Variants in SLCO4A1 observed in about 807,000 individuals in gnomAD.
SLCO4A1 encodes colon organic anion transporter.
Under a neutral mutation model 64.6 loss-of-function variants are expected in SLCO4A1, and 51 were observed. The observed-to-expected ratio is 0.79, with a 90% CI of 0.63 to 1.00. SLCO4A1 has a LOEUF of 1.00. Ranked by LOEUF, SLCO4A1 falls within the 50% of genes least tolerant of loss-of-function variation. SLCO4A1 has a pLI of 0.00. For missense variants in SLCO4A1, 919 were observed against 980.5 expected (o/e 0.94, Z 0.84); for synonymous variants, 471 against 444.9 (o/e 1.06, Z -0.74).
intron 1 of SLCO4A1, among the ~76,000 whole-genome samples, chr20:62,652,513 G>C (rs547457224): frequency 6.6e-6 from 1 of 152,352 alleles, no homozygotes; most frequent in South Asian, 2.1e-4. Context: ...TCGAGTTCTT[G>C]TGTTACACAT....
rs200781291 is a variant in SLCO4A1 at position 62,669,063 on chromosome 20, G to A, written c.2010G>A (p.Met670Ile). ...CCATGAGCCGCTACATACTCATCAT[G>A]GGGCTCCTGTACAAGGTAAGCAGGC... The part of the protein sequence containing the change: ...NSAMSRYILI[M>I]GLLYKVLGVL... Residue 670 changes from methionine to isoleucine, a missense_variant, in exon 11 of 12, where the codon ATG (methionine) becomes ATA (isoleucine). Met to Ile is a conservative substitution (Grantham distance 10). Transcript: ENST00000217159. 2.8e-4 allele frequency: 453 copies of A among 1,610,674 alleles called. 3 individuals carry two copies. In the South Asian group the frequency reaches 3.8e-3, roughly 13 times the overall value.
At chr20:62,664,535 T>G (rs1322277144) in intron 5 of SLCO4A1, among the ~76,000 whole-genome samples, 1 of 152,190 alleles carries the variant, frequency 6.6e-6, no homozygotes, top group Non-Finnish European at 1.5e-5. Flanking sequence ...CCTGGGTCAC[T>G]TGGGGTCTCT....
At chr20:62,647,883 G>A (rs898881754) in intron 1 of SLCO4A1, among the ~76,000 whole-genome samples, 4 of 152,218 alleles carry the variant, frequency 2.6e-5, no homozygotes. Flanking sequence ...GAGGTCAGCC[G>A]GATTCGCCTC....
chr20:62,661,893 C>G lies in SLCO4A1; in HGVS notation c.1121+718C>G, dbSNP rs6062748. Among the ~76,000 whole-genome samples the G allele has an allele frequency of 1.5e-3, 221 of 152,154 alleles. No individual in the cohort carries two copies. The highest frequency in any genetic ancestry group is 2.6e-3 in the Non-Finnish European group (174 of 67,968). Reference sequence around the variant, plus strand: ...ACAGAGGGGCCCGGGCCCTCCCGGCCTCTCCTGGGGATCATGCCTTCCCTG... The same window carrying G: ...ACAGAGGGGCCCGGGCCCTCCCGGCGTCTCCTGGGGATCATGCCTTCCCTG... On this transcript the variant is annotated intron_variant, in intron 5 of 11. Coordinates refer to ENST00000217159, the MANE Select transcript of SLCO4A1 (RefSeq NM_016354.4). This position sits in a 1 kb window ranked among gnomAD's most constrained non-coding sequence, Gnocchi z 5.2.
intron 3 of SLCO4A1, among the ~76,000 whole-genome samples, chr20:62,660,052 T>C (rs6011470): frequency 0.012 from 1,800 of 152,234 alleles, 34 homozygotes; most frequent in African/African-American, 0.041. Context: ...CCATCTGTCA[T>C]CCTCTGCACT....
At chr20:62,679,590 T>C (rs1450378061) in intron 2 of SLCO4A1, among the ~76,000 whole-genome samples, 2 of 152,192 alleles carry the variant, frequency 1.3e-5, no homozygotes, top group Non-Finnish European at 2.9e-5. Context: ...TTCGAACTCC[T>C]GAGTTCAAGC....
In SLCO4A1 at chr20:62,685,288, G is replaced by T. The variant is rs920105200; in HGVS notation, n.212-153G>T. Among the ~76,000 whole-genome samples the T allele has an allele frequency of 5.9e-5, 9 of 151,674 alleles. No homozygotes were observed. The highest frequency in any genetic ancestry group is 1.0e-4 in the Non-Finnish European group (7 of 67,852). On this transcript the variant is annotated intron_variant and non_coding_transcript_variant, in intron 2 of 2. Coordinates refer to the SLCO4A1 transcript ENST00000466818. This position sits in a 1 kb window ranked among gnomAD's most constrained non-coding sequence, Gnocchi z 4.6. ...GGAGTGGGGGCTGGGTCGGGGCTGG[G>T]CCCTGGCTGCCCTGGCTGCCCCCCG...
chr20:62,688,563 G>C (rs1988137625), downstream of SLCO4A1, among the ~76,000 whole-genome samples: 1 of 152,250 alleles, frequency 6.6e-6, no homozygotes, highest in Non-Finnish European at 1.5e-5. Context: ...GAGTGAGTAA[G>C]AGCAGCAGCT....
At chr20:62,669,178 C>T (rs1601677379) in intron 11 of SLCO4A1, 100 bp downstream of exon 11, 2 of 1,175,478 alleles carry the variant, frequency 1.7e-6, no homozygotes, top group Non-Finnish European at 1.2e-6. Flanking sequence ...CAGCCTAGTA[C>T]ATCACAGATG....
downstream of SLCO4A1, among the ~76,000 whole-genome samples, chr20:62,689,971 G>A (rs1988177482): frequency 6.6e-6 from 1 of 152,224 alleles, no homozygotes; most frequent in African/African-American, 2.4e-5. Context: ...GTCGACGCCT[G>A]CAGCCAGCGC....
downstream of SLCO4A1, among the ~76,000 whole-genome samples, chr20:62,688,411 G>A (rs1282578794): frequency 6.6e-6 from 1 of 152,050 alleles, no homozygotes; most frequent in Middle Eastern, 3.2e-3. Flanking sequence ...ACTCACCCCT[G>A]ACCCTGCTCA....
downstream of SLCO4A1, among the ~76,000 whole-genome samples, chr20:62,687,563 G>A (rs534703778): frequency 6.6e-6 from 1 of 152,250 alleles, no homozygotes. Flanking sequence ...GGCAGCGCAC[G>A]GGGCAGAGCC....
intron 1 of SLCO4A1, chr20:62,642,905 G>A (rs1327584950): frequency 7.0e-6 from 3 of 428,174 alleles, no homozygotes; most frequent in Non-Finnish European, 9.6e-6. Context: ...GAGTGGCCGG[G>A]GCAGGTGACC....
rs1601601181 is a variant in SLCO4A1, at chr20:62,645,498, A to C, written c.-97+2945A>C. 2.9e-5 allele frequency among the ~76,000 whole-genome samples: 4 copies of C among 138,806 alleles called. No individual in the cohort carries two copies. The highest frequency in any genetic ancestry group is 2.6e-4 in the South Asian group (1 of 3,828). The allele number at this position is 138,806 out of a possible 152,430, so 91.1% of individuals were successfully genotyped here. On this transcript the variant is annotated intron_variant, in intron 1 of 11. Transcript: ENST00000217159. This position sits in a 1 kb window ranked among gnomAD's most constrained non-coding sequence, Gnocchi z 4.2. Reference sequence around the variant, plus strand: ...CGGGTGAGGACCCACCCACACCCGCACCCTCACCCTCATCCTCACCCGCAG... The same window carrying C: ...CGGGTGAGGACCCACCCACACCCGCCCCCTCACCCTCATCCTCACCCGCAG...
At chr20:62,687,619 C>T (rs182276560), downstream of SLCO4A1, among the ~76,000 whole-genome samples, 3 of 152,368 alleles carry the variant, frequency 2.0e-5, no homozygotes, top group African/African-American at 7.2e-5. Context: ...CCTGCCATCC[C>T]CCGCTCTGGG....
intron 6 of SLCO4A1, 51 bp from the exon 7 acceptor site, chr20:62,666,329 C>T: frequency 6.5e-7 from 1 of 1,550,376 alleles, no homozygotes; most frequent in Non-Finnish European, 8.8e-7. Flanking sequence ...CCACCCTCTC[C>T]CACCACGGCC....
At chr20:62,683,876 A>T (rs1176813290) in intron 2 of SLCO4A1, among the ~76,000 whole-genome samples, 1 of 151,856 alleles carries the variant, frequency 6.6e-6, no homozygotes, top group Non-Finnish European at 1.5e-5. Context: ...ACATGCAAAG[A>T]TCTCACGTGA....
rs543201833 is a variant in SLCO4A1, at chr20:62,671,999, A to C, written c.*106A>C. On this transcript the variant is annotated 3_prime_UTR_variant, in exon 12 of 12. Coordinates refer to ENST00000217159, the MANE Select transcript of SLCO4A1 (RefSeq NM_016354.4). ...CACGGGAACTTCTATTTGACCTGCAACCTTCTACTTAACCTGTGGTTTAAA... is the reference window on the plus strand; with the variant it reads ...CACGGGAACTTCTATTTGACCTGCACCCTTCTACTTAACCTGTGGTTTAAA... 8.8e-6 allele frequency: 14 copies of C among 1,593,054 alleles called. No individual in the cohort carries two copies. The highest frequency in any genetic ancestry group is 1.2e-5 in the Non-Finnish European group (14 of 1,176,720).
At chr20:62,690,491 G>C (rs1442861571), downstream of SLCO4A1, among the ~76,000 whole-genome samples, 1 of 152,198 alleles carries the variant, frequency 6.6e-6, no homozygotes, top group African/African-American at 2.4e-5. Context: ...CCGCAGGCCA[G>C]AGCCCTGGCT....
Sources: allele counts gnomAD v4.1 joint callset (sites outside exome capture counted in the v4.1 genomes callset), GRCh38; gene constraint gnomAD v4.1.1; non-coding constraint Gnocchi (gnomAD v3.1); transcripts MANE v1.5; gene names NCBI Gene and HGNC (gene_info 2026-07-23, HGNC 2026-07-21).